RBPMS2: variants seen among roughly 807,000 people sequenced by gnomAD.
RBPMS2 encodes the protein RNA binding protein, mRNA processing factor 2, also known as RNA-binding protein with multiple splicing 2.
In RBPMS2, 14 loss-of-function variants were observed where a neutral mutation model predicts 25.7. The observed-to-expected ratio is 0.55, with a 90% CI of 0.36 to 0.85. RBPMS2 has a LOEUF of 0.85. Among genes scored for constraint, RBPMS2 ranks in the 40% least tolerant of loss-of-function variants. The pLI, the probability that RBPMS2 is intolerant of heterozygous loss-of-function variation, is 0.01. For missense variants in RBPMS2, 252 were observed against 283.4 expected, an observed-to-expected ratio of 0.89 and a Z score of 0.80; for synonymous variants, 127 against 115.6, an observed-to-expected ratio of 1.10 and a Z score of -0.63.
intron 1 of RBPMS2, among the ~76,000 whole-genome samples, chr15:64,774,007 T>G (rs1435726146): frequency 6.6e-6 from 1 of 152,190 alleles, no homozygotes; most frequent in Non-Finnish European, 1.5e-5. Flanking sequence ...CGCCAAAAAG[T>G]GGAGATCCAA....
chr15:64,775,210 A>T, intron 1 of RBPMS2, 23 bp downstream of exon 1: 1 of 1,164,458 alleles, frequency 8.6e-7, no homozygotes, highest in Non-Finnish European at 1.1e-6. Context: ...TTCACCCGGC[A>T]AGTCCCGGGG....
At chr15:64,769,452 A>G (rs2083876258) in intron 1 of RBPMS2, among the ~76,000 whole-genome samples, 1 of 150,276 alleles carries the variant, frequency 6.7e-6, no homozygotes, top group Non-Finnish European at 1.5e-5. Context: ...GAATTTAAAA[A>G]ATAAAATCCA....
intron 1 of RBPMS2, among the ~76,000 whole-genome samples, chr15:64,768,594 C>A (rs1012263381): frequency 1.3e-5 from 2 of 151,294 alleles, no homozygotes; most frequent in South Asian, 2.1e-4. Context: ...GCCGAGATTG[C>A]GCCACTGCAC....
In RBPMS2 at chr15:64,744,448, C is replaced by A. The variant is rs1405300084; in HGVS notation, c.568-3206G>T. 2.0e-5 allele frequency among the ~76,000 whole-genome samples: 3 copies of A among 151,130 alleles called. No individual in the cohort carries two copies. The East Asian group carries it at 5.9e-4, about 30-fold the overall frequency. Reference sequence around the variant, plus strand: ...TGGTACATGCCTGTAATCCCAGCTACTAGGGAGGCTGAGGCAGAAGAATCA... The same window carrying A: ...TGGTACATGCCTGTAATCCCAGCTAATAGGGAGGCTGAGGCAGAAGAATCA... On this transcript the variant is annotated intron_variant, in intron 6 of 7. Coordinates refer to ENST00000300069, the MANE Select transcript of RBPMS2 (RefSeq NM_194272.3).
At chr15:64,774,508 G>A (rs1047922926) in intron 1 of RBPMS2, among the ~76,000 whole-genome samples, 1 of 152,104 alleles carries the variant, frequency 6.6e-6, no homozygotes. Flanking sequence ...CATGGCCGGT[G>A]GACGAGATGA....
Position 64,757,535 on chromosome 15 carries a change from G to C in RBPMS2, c.88-5897C>G, listed in dbSNP as rs935755519. Among the ~76,000 whole-genome samples, 4 of 152,154 alleles carry C rather than the reference G, an allele frequency of 2.6e-5. No individual in the cohort carries two copies. In the East Asian group the frequency reaches 7.7e-4, roughly 29 times the overall value. On this transcript the variant is annotated intron_variant, in intron 1 of 7. Transcript: ENST00000300069. ...CCCAGAGGAGGTAATGCCCGAAATA[G>C]AAGACACCACAGAGATCAGCTAGTT...
Position 64,740,844 on chromosome 15 carries a change from G to T in RBPMS2, c.*164C>A. On this transcript the variant is annotated 3_prime_UTR_variant, in exon 8 of 8. Coordinates refer to ENST00000300069, the MANE Select transcript of RBPMS2 (RefSeq NM_194272.3). ...GTGCAGAACAAGGTGAGGAAGAGGAGGGAGGGGAACAGGAAGCAGTCCACT... is the reference window on the plus strand; with the variant it reads ...GTGCAGAACAAGGTGAGGAAGAGGATGGAGGGGAACAGGAAGCAGTCCACT... The T allele has an allele frequency of 4.4e-6, 1 of 227,314 alleles. No individual in the cohort carries two copies. 14.1% of individuals were successfully genotyped at this position (227,314 alleles called of 1,614,324 possible). A position where few individuals can be genotyped will look rare whatever the true frequency, so the allele number is the denominator to read the frequency against.
At chr15:64,771,532 A>T (rs1175725229) in intron 1 of RBPMS2, among the ~76,000 whole-genome samples, 2 of 151,866 alleles carry the variant, frequency 1.3e-5, no homozygotes, top group Non-Finnish European at 2.9e-5. Context: ...AAAATACAAA[A>T]ATTAGCCAGG....
chr15:64,743,942 A>C (rs1166569827), intron 6 of RBPMS2, among the ~76,000 whole-genome samples: 1 of 151,874 alleles, frequency 6.6e-6, no homozygotes, highest in Non-Finnish European at 1.5e-5. Context: ...CCGTCTCTGC[A>C]AAAAAATACA....
chr15:64,751,466 G>T, intron 2 of RBPMS2, 95 bp downstream of exon 2: 2 of 1,032,054 alleles, frequency 1.9e-6, no homozygotes, highest in Non-Finnish European at 3.0e-6. Context: ...ACGCCTTCCC[G>T]CATCATCCTG....
At chr15:64,760,025 C>G (rs2083769272) in intron 1 of RBPMS2, among the ~76,000 whole-genome samples, 1 of 152,360 alleles carries the variant, frequency 6.6e-6, no homozygotes, top group African/African-American at 2.4e-5. Flanking sequence ...GCCCTGGACA[C>G]TGCCATGGGC....
At position 64,748,462 on chromosome 15, in the gene RBPMS2, G is replaced by A; in HGVS notation, c.524C>T (p.Thr175Ile). The A allele has an allele frequency of 1.2e-6, 2 of 1,614,156 alleles. No homozygotes were observed. The highest frequency in any genetic ancestry group is 1.7e-6 in the Non-Finnish European group (2 of 1,180,020). Residue 175 changes from threonine to isoleucine, a missense_variant, in exon 6 of 8, where the codon ACC (threonine) becomes ATC (isoleucine). Coordinates refer to ENST00000300069, the MANE Select transcript of RBPMS2 (RefSeq NM_194272.3). Reference sequence around the variant, plus strand: ...GGCAGCGGCAGTGGCAGTTGGGTAGGTGAACGCAGCATGGGAGATGGCTGG... The same window carrying A: ...GGCAGCGGCAGTGGCAGTTGGGTAGATGAACGCAGCATGGGAGATGGCTGG... ...LTPAISHAAF[T>I]YPTATAAAAA...
intron 6 of RBPMS2, among the ~76,000 whole-genome samples, chr15:64,742,190 A>G (rs570678438): frequency 6.6e-6 from 1 of 152,268 alleles, no homozygotes; most frequent in African/African-American, 2.4e-5. Context: ...ACAAAAAACA[A>G]AACAAAACCC....
At position 64,765,989 on chromosome 15, in the gene RBPMS2, CAA is replaced by C. The variant is rs11315072; in HGVS notation, c.87+9242_87+9243del. ...GCCTGGCAACAGAGCGAGACTGTCT[CAA>C]AAAAAAAAAAAATGGTCTCAGCTCC... On this transcript the variant is annotated intron_variant, in intron 1 of 7. Transcript: ENST00000300069. Among the ~76,000 whole-genome samples, 773 of 144,494 alleles carry C rather than the reference CAA, an allele frequency of 5.3e-3. 3 individuals are homozygous for C. The highest frequency in any genetic ancestry group is 0.013 in the African/African-American group (528 of 39,282). The allele number at this position is 144,494 out of a possible 152,430, so 94.8% of individuals were successfully genotyped here.
chr15:64,764,538 T>C, intron 1 of RBPMS2, among the ~76,000 whole-genome samples: 1 of 152,152 alleles, frequency 6.6e-6, no homozygotes, highest in East Asian at 1.9e-4. Context: ...GCAACCTGCA[T>C]TCTGATTTGC....
intron 1 of RBPMS2, among the ~76,000 whole-genome samples, chr15:64,767,532 C>T (rs1017658079): frequency 6.6e-6 from 1 of 152,182 alleles, no homozygotes; most frequent in Non-Finnish European, 1.5e-5. Flanking sequence ...TGTCCTGAGG[C>T]CCCGAAGGAT....
intron 1 of RBPMS2, chr15:64,762,598 C>G (rs1249964190): frequency 2.1e-6 from 1 of 481,664 alleles, no homozygotes; most frequent in East Asian, 5.6e-5. Flanking sequence ...TGACGAGATT[C>G]CAAACAAAAG....
intron 2 of RBPMS2, 100 bp downstream of exon 2, chr15:64,751,461 T>C: frequency 1.0e-6 from 1 of 986,216 alleles, no homozygotes; most frequent in Non-Finnish European, 1.6e-6. Context: ...CTGCCACGCC[T>C]TCCCGCATCA....
In RBPMS2 at chr15:64,751,564, G is replaced by A. The variant is rs557288019; in HGVS notation, c.162C>T (p.Phe54=). 1 of 1,613,764 alleles carries A rather than the reference G, an allele frequency of 6.2e-7. No individual in the cohort carries two copies. Among genetic ancestry groups the A allele is most frequent in the South Asian group, 1.1e-5 (1 of 91,062 alleles). Residue 54 remains phenylalanine (F), a synonymous_variant, in exon 2 of 8, where the codon TTC becomes TTT. Transcript: ENST00000300069. ...GGGCGGCTGGGTCCTGACTCACCTTGAACGGCCGGAAGAGCAAGTAGAGTT... is the reference window on the plus strand; with the variant it reads ...GGGCGGCTGGGTCCTGACTCACCTTAAACGGCCGGAAGAGCAAGTAGAGTT... ...PRELYLLFRP[F]KGYEGSLIKL...
Sources: allele counts gnomAD v4.1 joint callset (sites outside exome capture counted in the v4.1 genomes callset), GRCh38; gene constraint gnomAD v4.1.1; transcripts MANE v1.5; gene names NCBI Gene and HGNC (gene_info 2026-07-23, HGNC 2026-07-21).